The following RFC3 variants were observed in gnomAD, a reference collection of about 807,000 sequenced individuals.
RFC3 encodes A1 38 kDa subunit.
A neutral mutation model predicts 45.1 loss-of-function variants in RFC3; 41 were observed. The observed-to-expected ratio is 0.91, with a 90% CI of 0.71 to 1.18. The LOEUF (loss-of-function observed/expected upper bound fraction) is 1.18. Among genes scored for constraint, RFC3 ranks in the 50% most tolerant of loss-of-function variants. The probability of loss-of-function intolerance (pLI) is 0.00; values close to 1 mark genes in which losing one functional copy is unlikely to be tolerated. For synonymous variants in RFC3, 149 were observed against 144.0 expected, an observed-to-expected ratio of 1.03 and a Z score of -0.25; for missense variants, 423 against 428.1, an observed-to-expected ratio of 0.99 and a Z score of 0.10.
intron 8 of RFC3, among the ~76,000 whole-genome samples, chr13:33,949,343 C>A (rs997215379): frequency 2.0e-5 from 3 of 152,244 alleles, no homozygotes; most frequent in Non-Finnish European, 1.5e-5. Context: ...GTCAATTAAA[C>A]CTCTTTTCTT....
At chr13:33,973,754 G>A in the RFC3 span, among the ~76,000 whole-genome samples, 3 of 150,666 alleles carry the variant, frequency 2.0e-5, no homozygotes, top group African/African-American at 4.9e-5. Context: ...TAGTTCAACC[G>A]ATTCTCCTGC....
chr13:33,929,695 T>C (rs1379714612), intron 8 of RFC3, among the ~76,000 whole-genome samples: 1 of 152,122 alleles, frequency 6.6e-6, no homozygotes, highest in East Asian at 1.9e-4. Context: ...GCATGTTTAT[T>C]ATATTTTATA....
chr13:33,887,855 A>G (rs979343465), intron 8 of RFC3, among the ~76,000 whole-genome samples: 3 of 152,082 alleles, frequency 2.0e-5, no homozygotes, highest in African/African-American at 4.8e-5. Flanking sequence ...ATGGCTAGCC[A>G]GTTTTCCCAG....
At chr13:33,864,105 T>C (rs753005167) in intron 8 of RFC3, among the ~76,000 whole-genome samples, 4 of 152,072 alleles carry the variant, frequency 2.6e-5, no homozygotes, top group Admixed American at 1.3e-4. Flanking sequence ...GAGTATCACA[T>C]TGTGAGAGAG....
At chr13:33,973,080 G>T in the RFC3 span, among the ~76,000 whole-genome samples, 3 of 152,250 alleles carry the variant, frequency 2.0e-5, no homozygotes, top group South Asian at 6.2e-4. Context: ...CTCTGCAAAA[G>T]CCATAGACTC....
At chr13:33,829,771 G>C (rs1437302183) in intron 4 of RFC3, 65 bp from the exon 5 acceptor site, 5 of 1,249,812 alleles carry the variant, frequency 4.0e-6, no homozygotes, top group African/African-American at 3.0e-5. Flanking sequence ...TGAGAAGGAA[G>C]AAAGAGACAA....
chr13:33,976,309 A>G, the RFC3 span, among the ~76,000 whole-genome samples: 1 of 152,190 alleles, frequency 6.6e-6, no homozygotes, highest in Non-Finnish European at 1.5e-5. Context: ...TCATTATGTT[A>G]AGTGAAATAA....
chr13:33,845,083 C>T lies in RFC3; in HGVS notation c.879+9866C>T, dbSNP rs2082227643. ...TAGGATAAAATATATTTTCCTTCAG[C>T]ACTTTAAATATGCCATGCCACTCTT... On this transcript the variant is annotated intron_variant, in intron 8 of 8. Transcript: ENST00000434425. 2.6e-5 allele frequency among the ~76,000 whole-genome samples: 4 copies of T among 152,170 alleles called. No homozygotes were observed. The South Asian group carries it at 8.3e-4, about 32-fold the overall frequency.
At chr13:33,885,714 G>A (rs937610208) in intron 8 of RFC3, among the ~76,000 whole-genome samples, 1 of 152,148 alleles carries the variant, frequency 6.6e-6, no homozygotes, top group Non-Finnish European at 1.5e-5. Flanking sequence ...CTCAAGTGCA[G>A]TTTTAGAAGA....
At chr13:33,936,146 C>T (rs886522328) in intron 8 of RFC3, among the ~76,000 whole-genome samples, 6 of 152,008 alleles carry the variant, frequency 3.9e-5, no homozygotes, top group Non-Finnish European at 8.8e-5. Flanking sequence ...CATACTGCCC[C>T]CAAGGTGTGG....
chr13:33,962,310 C>T (rs976557391), intron 8 of RFC3, among the ~76,000 whole-genome samples: 15 of 152,178 alleles, frequency 9.9e-5, no homozygotes, highest in Non-Finnish European at 2.9e-5. Flanking sequence ...GTCGGTGCCT[C>T]AGGGTCCCAG....
chr13:33,925,877 C>G (rs545940492), intron 8 of RFC3, among the ~76,000 whole-genome samples: 1 of 151,908 alleles, frequency 6.6e-6, no homozygotes, highest in African/African-American at 2.4e-5. Context: ...ATTGTTGTAT[C>G]AATATCAAAT....
intron 8 of RFC3, among the ~76,000 whole-genome samples, chr13:33,881,297 T>G (rs1381237580): frequency 6.6e-6 from 1 of 152,214 alleles, no homozygotes; most frequent in African/African-American, 2.4e-5. Flanking sequence ...AGTCAATAAC[T>G]GTTTCAGTTT....
At position 33,915,862 on chromosome 13, in the gene RFC3, G is replaced by A. The variant is rs192317363; in HGVS notation, c.880-50225G>A. Reference sequence around the variant, plus strand: ...CACTCAGGCTGGAGTGCAGCGGTGCGATCTCGGCTCATTGCAACCTCTGCC... The same window carrying A: ...CACTCAGGCTGGAGTGCAGCGGTGCAATCTCGGCTCATTGCAACCTCTGCC... On this transcript the variant is annotated intron_variant, in intron 8 of 8. Transcript: ENST00000434425. Among the ~76,000 whole-genome samples the A allele has an allele frequency of 4.4e-3, 666 of 152,154 alleles. 5 individuals carry two copies. The highest frequency in any genetic ancestry group is 0.024 in the Middle Eastern group (7 of 292).
At chr13:33,945,654 CAG>C in intron 8 of RFC3, among the ~76,000 whole-genome samples, 1 of 152,284 alleles carries the variant, frequency 6.6e-6, no homozygotes, top group South Asian at 2.1e-4. Context: ...CTCTTGGAAG[CAG>C]AGAGATTGGC....
chr13:33,842,537 A>G (rs1170787367), intron 8 of RFC3, among the ~76,000 whole-genome samples: 1 of 152,168 alleles, frequency 6.6e-6, no homozygotes, highest in African/African-American at 2.4e-5. Context: ...ATCTCTGCCC[A>G]ACATAGGCAG....
intron 8 of RFC3, among the ~76,000 whole-genome samples, chr13:33,853,272 C>T (rs549020849): frequency 6.6e-6 from 1 of 152,184 alleles, no homozygotes; most frequent in African/African-American, 2.4e-5. Context: ...AAGTTCTAAC[C>T]CTGACTTGCT....
intron 8 of RFC3, among the ~76,000 whole-genome samples, chr13:33,859,910 T>C (rs2082330224): frequency 6.6e-6 from 1 of 152,174 alleles, no homozygotes; most frequent in Non-Finnish European, 1.5e-5. Context: ...AATATGACTA[T>C]ACATGGAGAT....
chr13:33,831,396 G>T, intron 7 of RFC3, 42 bp downstream of exon 7: 4 of 1,021,748 alleles, frequency 3.9e-6, no homozygotes, highest in South Asian at 3.9e-5. Context: ...TCATTATCAG[G>T]ATATCATAGG....
Sources: allele counts gnomAD v4.1 joint callset (sites outside exome capture counted in the v4.1 genomes callset), GRCh38; gene constraint gnomAD v4.1.1; transcripts MANE v1.5; gene names NCBI Gene and HGNC (gene_info 2026-07-23, HGNC 2026-07-21).